The following ROBO1 variants were observed in gnomAD, a reference collection of about 807,000 sequenced individuals.
The protein encoded by ROBO1 is roundabout homolog 1.
A neutral mutation model predicts 195.9 loss-of-function variants in ROBO1; 149 were observed. That is an observed-to-expected ratio of 0.76 (90% CI 0.67 to 0.87). The LOEUF (loss-of-function observed/expected upper bound fraction) is 0.87. Ranked by LOEUF, ROBO1 falls within the 40% of genes least tolerant of loss-of-function variation. The probability of loss-of-function intolerance (pLI) is 0.00; values close to 1 mark genes in which losing one functional copy is unlikely to be tolerated. For synonymous variants in ROBO1, 816 were observed against 733.2 expected, an observed-to-expected ratio of 1.11 and a Z score of -1.82; for missense variants, 1,933 against 2,068.3, an observed-to-expected ratio of 0.93 and a Z score of 1.27.
At position 79,239,193 on chromosome 3, in the gene ROBO1, G is replaced by A. The variant is rs1299216891; in HGVS notation, c.89-113654C>T. ...TAGATAAGTAATAACAACAAATAACGGCTAAGAAAAAGTATCCAAAAAGTG... is the reference window on the plus strand; with the variant it reads ...TAGATAAGTAATAACAACAAATAACAGCTAAGAAAAAGTATCCAAAAAGTG... On this transcript the variant is annotated intron_variant, in intron 2 of 30. Coordinates refer to ENST00000464233, the MANE Select transcript of ROBO1 (RefSeq NM_002941.4). Among the ~76,000 whole-genome samples, 3 of 151,908 alleles carry A rather than the reference G, an allele frequency of 2.0e-5. No homozygotes were observed. The East Asian group carries it at 5.8e-4, about 29-fold the overall frequency.
intron 21 of ROBO1, among the ~76,000 whole-genome samples, chr3:78,642,129 A>T (rs572973394): frequency 3.9e-5 from 6 of 152,252 alleles, no homozygotes; most frequent in African/African-American, 1.4e-4. Context: ...AAAAATACAC[A>T]TGGTGGTTAT....
chr3:79,608,360 A>T (rs186032240), intron 1 of ROBO1, among the ~76,000 whole-genome samples: 3 of 152,042 alleles, frequency 2.0e-5, no homozygotes, highest in African/African-American at 7.2e-5. Context: ...CTCTCTTCCA[A>T]AGTGTGATCC....
chr3:79,143,682 T>G lies in ROBO1; in HGVS notation c.89-18143A>C, dbSNP rs2080582746. On this transcript the variant is annotated intron_variant, in intron 2 of 30. Transcript: ENST00000464233. ...GATAATAGCAGGTTCATGTGCATAA[T>G]ATAGGAATATTTATTATACATTTTA... 2.0e-5 allele frequency among the ~76,000 whole-genome samples: 3 copies of G among 152,070 alleles called. No individual in the cohort carries two copies. The South Asian group carries it at 6.2e-4, about 31-fold the overall frequency.
At chr3:79,266,281 A>C (rs975583771) in intron 2 of ROBO1, among the ~76,000 whole-genome samples, 1 of 151,660 alleles carries the variant, frequency 6.6e-6, no homozygotes, top group Admixed American at 6.6e-5. Context: ...AATTTTGATT[A>C]AGGTGTTTTA....
At chr3:78,830,786 G>A (rs1429187385) in intron 4 of ROBO1, among the ~76,000 whole-genome samples, 3 of 152,164 alleles carry the variant, frequency 2.0e-5, no homozygotes, top group African/African-American at 7.2e-5. Context: ...AAAGTTTCCA[G>A]CATATAAATC....
chr3:79,630,918 C>A (rs7618716), intron 1 of ROBO1, among the ~76,000 whole-genome samples: 131,916 of 151,834 alleles, frequency 0.87, 57,362 homozygotes, highest in East Asian at 0.9. Flanking sequence ...TATTCAACAA[C>A]CCAGATGAGA....
intron 2 of ROBO1, among the ~76,000 whole-genome samples, chr3:79,380,480 C>T (rs1396369534): frequency 1.3e-5 from 2 of 152,004 alleles, no homozygotes; most frequent in Admixed American, 1.3e-4. Flanking sequence ...AATGTCTATC[C>T]CTATTATGCT....
chr3:78,889,837 A>G (rs1358803823), intron 4 of ROBO1, among the ~76,000 whole-genome samples: 1 of 152,162 alleles, frequency 6.6e-6, no homozygotes, highest in African/African-American at 2.4e-5. Flanking sequence ...GGAAGAAATA[A>G]ATTTTTGATA....
At chr3:79,498,386 AAC>A (rs1939865227) in intron 2 of ROBO1, among the ~76,000 whole-genome samples, 1 of 152,208 alleles carries the variant, frequency 6.6e-6, no homozygotes, top group Admixed American at 6.5e-5. Context: ...TTATAAATTC[AAC>A]AGTTTGCATC....
At chr3:79,420,534 A>G (rs542825614) in intron 2 of ROBO1, among the ~76,000 whole-genome samples, 1 of 152,280 alleles carries the variant, frequency 6.6e-6, no homozygotes, top group South Asian at 2.1e-4. Flanking sequence ...TGCAAAGATG[A>G]CTGCAAAAGT....
intron 3 of ROBO1, among the ~76,000 whole-genome samples, chr3:78,978,452 A>T (rs779571666): frequency 1.8e-4 from 27 of 152,234 alleles, no homozygotes; most frequent in Middle Eastern, 3.4e-3. Flanking sequence ...GGCGACAGGC[A>T]CTTTGGGAGT....
chr3:79,268,007 T>C (rs1264070118), intron 2 of ROBO1, among the ~76,000 whole-genome samples: 2 of 151,658 alleles, frequency 1.3e-5, no homozygotes, highest in Non-Finnish European at 1.5e-5. Context: ...ATTAGGAGAA[T>C]GATGTATTTC....
At chr3:79,623,142 C>A (rs1945061374) in intron 1 of ROBO1, among the ~76,000 whole-genome samples, 1 of 151,000 alleles carries the variant, frequency 6.6e-6, no homozygotes, top group Admixed American at 6.6e-5. Context: ...GCATCAACAA[C>A]AACAACAACA....
chr3:79,345,083 C>T (rs775168806), intron 2 of ROBO1, among the ~76,000 whole-genome samples: 11 of 151,932 alleles, frequency 7.2e-5, no homozygotes, highest in African/African-American at 9.7e-5. Context: ...AGTGTGAAAA[C>T]GGACTACACA....
intron 3 of ROBO1, among the ~76,000 whole-genome samples, chr3:79,063,006 A>C (rs141800710): frequency 2.0e-5 from 3 of 151,952 alleles, no homozygotes; most frequent in African/African-American, 7.2e-5. Context: ...GAAGAAAAAA[A>C]ATGACCTTCC....
At chr3:79,636,289 T>C (rs1163185051) in intron 1 of ROBO1, among the ~76,000 whole-genome samples, 1 of 152,162 alleles carries the variant, frequency 6.6e-6, no homozygotes, top group East Asian at 1.9e-4. Context: ...CAAATACAAG[T>C]CACACTTAAA....
At chr3:79,250,087 T>A (rs1262068701) in intron 2 of ROBO1, among the ~76,000 whole-genome samples, 2 of 152,124 alleles carry the variant, frequency 1.3e-5, no homozygotes, top group Non-Finnish European at 2.9e-5. Context: ...GGTGTGGCAG[T>A]TAGAAGCTAG....
chr3:79,263,789 T>A (rs114803069), intron 2 of ROBO1, among the ~76,000 whole-genome samples: 3,717 of 152,232 alleles, frequency 0.024, 80 homozygotes, highest in Middle Eastern at 0.037. Flanking sequence ...TTTCTTCTTT[T>A]TCCCTCCCAC....
intron 2 of ROBO1, among the ~76,000 whole-genome samples, chr3:79,450,497 T>C (rs1299027437): frequency 1.3e-5 from 2 of 152,140 alleles, no homozygotes. Context: ...ATACGAATAA[T>C]GTATTAGTTT....
Sources: allele counts gnomAD v4.1 joint callset (sites outside exome capture counted in the v4.1 genomes callset), GRCh38; gene constraint gnomAD v4.1.1; transcripts MANE v1.5; gene names NCBI Gene and HGNC (gene_info 2026-07-23, HGNC 2026-07-21).